Variants in ABCC4 observed in about 807,000 individuals in gnomAD.
The protein encoded by ABCC4 is ATP binding cassette subfamily C member 4 (PEL blood group), also known as ATP-binding cassette sub-family C member 4.
Under a neutral mutation model 168.5 loss-of-function variants are expected in ABCC4, and 102 were observed. The observed-to-expected ratio is 0.61, with a 90% CI of 0.52 to 0.71. ABCC4 has a LOEUF of 0.71. Ranked by LOEUF, ABCC4 falls within the 30% of genes least tolerant of loss-of-function variation. The probability of loss-of-function intolerance (pLI) is 0.00; values close to 1 mark genes in which losing one functional copy is unlikely to be tolerated. For synonymous variants in ABCC4, 617 were observed against 590.7 expected (o/e 1.04, Z -0.65); for missense variants, 1,402 against 1,605.8 (o/e 0.87, Z 2.17).
chr13:95,222,074 T>G (rs1402374929), intron 4 of ABCC4, among the ~76,000 whole-genome samples: 2 of 152,216 alleles, frequency 1.3e-5, no homozygotes, highest in African/African-American at 4.8e-5. Flanking sequence ...AGGTGACATA[T>G]GGCAGATGCT....
chr13:95,043,374 T>C (rs943548231), intron 29 of ABCC4: 3 of 261,402 alleles, frequency 1.1e-5, no homozygotes, highest in South Asian at 2.4e-4. Flanking sequence ...ATGACTGTGA[T>C]CTTCTATTGG....
At chr13:95,114,345 A>C (rs1355522530) in intron 20 of ABCC4, among the ~76,000 whole-genome samples, 1 of 152,202 alleles carries the variant, frequency 6.6e-6, no homozygotes, top group East Asian at 1.9e-4. Flanking sequence ...TCTGCTAAGC[A>C]CATAGTGGGC....
intron 4 of ABCC4, among the ~76,000 whole-genome samples, chr13:95,211,360 A>T (rs1316438184): frequency 1.3e-5 from 2 of 152,156 alleles, no homozygotes; most frequent in Admixed American, 1.3e-4. Context: ...ATGTCCAGAC[A>T]CCTGTGATTC....
chr13:95,265,426 A>T, intron 1 of ABCC4, among the ~76,000 whole-genome samples: 1 of 129,082 alleles, frequency 7.7e-6, no homozygotes, highest in South Asian at 2.8e-4. Flanking sequence ...GCATGACACA[A>T]TAAGAAAAAA....
At chr13:95,063,480 A>C (rs922266959) in intron 25 of ABCC4, among the ~76,000 whole-genome samples, 11 of 152,204 alleles carry the variant, frequency 7.2e-5, no homozygotes, top group African/African-American at 2.7e-4. Flanking sequence ...AAAATGTTTC[A>C]AAATTCTGAA....
In ABCC4 at chr13:95,034,966, A is replaced by G. The variant is rs74341218; in HGVS notation, c.3736-227T>C. On this transcript the variant is annotated intron_variant, in intron 29 of 30. Coordinates refer to ENST00000645237, the MANE Select transcript of ABCC4 (RefSeq NM_005845.5). Reference sequence around the variant, plus strand: ...AGGAAAGGAAGAAAATGAAAGTTCTAGACTATTATTCTGGGCACTCAGCAG... The same window carrying G: ...AGGAAAGGAAGAAAATGAAAGTTCTGGACTATTATTCTGGGCACTCAGCAG... Among the ~76,000 whole-genome samples, 183 of 152,308 alleles carry G rather than the reference A, an allele frequency of 1.2e-3. 3 individuals are homozygous for G. The highest frequency in any genetic ancestry group is 7.3e-3 in the South Asian group (35 of 4,824).
intron 13 of ABCC4, 64 bp from the exon 14 acceptor site, chr13:95,170,692 T>C (rs778921365): frequency 2.2e-5 from 22 of 992,182 alleles, no homozygotes; most frequent in Non-Finnish European, 3.4e-5. Flanking sequence ...TTGAAAAACA[T>C]ACATTTTGAA....
At chr13:95,207,307 C>T (rs947658515) in intron 7 of ABCC4, among the ~76,000 whole-genome samples, 1 of 152,212 alleles carries the variant, frequency 6.6e-6, no homozygotes, top group Non-Finnish European at 1.5e-5. Context: ...GGATTACAGG[C>T]ATGAGCCACT....
intron 25 of ABCC4, 51 bp from the exon 26 acceptor site, chr13:95,062,910 A>C (rs2033358661): frequency 1.3e-6 from 2 of 1,555,344 alleles, no homozygotes; most frequent in Admixed American, 4.3e-5. Context: ...AAAAAATCAC[A>C]GGATGCAGCA....
intron 29 of ABCC4, among the ~76,000 whole-genome samples, chr13:95,039,427 T>C (rs2139233193): frequency 6.6e-6 from 1 of 152,330 alleles, no homozygotes; most frequent in Non-Finnish European, 1.5e-5. Context: ...AAAAAGGGCA[T>C]AATCTTGAAT....
At chr13:95,221,127 G>C (rs769409857) in intron 4 of ABCC4, among the ~76,000 whole-genome samples, 1 of 152,190 alleles carries the variant, frequency 6.6e-6, no homozygotes, top group Non-Finnish European at 1.5e-5. Flanking sequence ...ACTTGGATGA[G>C]GTCCCTTCAG....
At chr13:95,187,588 A>G (rs753389301) in intron 10 of ABCC4, among the ~76,000 whole-genome samples, 4 of 152,348 alleles carry the variant, frequency 2.6e-5, no homozygotes, top group Non-Finnish European at 5.9e-5. Context: ...TGGGTGACAG[A>G]GCGAGACCAT....
chr13:95,250,503 A>T (rs2138816796), intron 1 of ABCC4, among the ~76,000 whole-genome samples: 1 of 152,308 alleles, frequency 6.6e-6, no homozygotes, highest in East Asian at 1.9e-4. Context: ...TACCTTGAGC[A>T]ATGATCTAGG....
chr13:95,202,324 T>G (rs1239699090), intron 8 of ABCC4, among the ~76,000 whole-genome samples: 1 of 152,196 alleles, frequency 6.6e-6, no homozygotes, highest in Non-Finnish European at 1.5e-5. Context: ...ATTTTATCAA[T>G]CAATCTACCA....
chr13:95,086,650 C>G (rs1365252861), intron 20 of ABCC4, among the ~76,000 whole-genome samples: 1 of 152,180 alleles, frequency 6.6e-6, no homozygotes, highest in African/African-American at 2.4e-5. Flanking sequence ...TCCTGCTAGT[C>G]TTTGTGAAGC....
At chr13:95,029,456 G>A (rs540332631) in intron 30 of ABCC4, among the ~76,000 whole-genome samples, 1 of 151,964 alleles carries the variant, frequency 6.6e-6, no homozygotes, top group Non-Finnish European at 1.5e-5. Context: ...ACAAAGTGGA[G>A]AAGAAGGTGC....
intron 21 of ABCC4, among the ~76,000 whole-genome samples, chr13:95,079,902 G>A (rs2034032610): frequency 6.6e-6 from 1 of 152,196 alleles, no homozygotes; most frequent in African/African-American, 2.4e-5. Context: ...CCATGCAAGT[G>A]GTAGACTTGG....
intron 20 of ABCC4, among the ~76,000 whole-genome samples, chr13:95,113,143 G>C (rs2139404939): frequency 6.6e-6 from 1 of 152,226 alleles, no homozygotes; most frequent in Admixed American, 6.5e-5. Flanking sequence ...ATGTATCACA[G>C]AACTGAGTCA....
At chr13:95,142,502 T>C (rs1257834185) in intron 19 of ABCC4, among the ~76,000 whole-genome samples, 1 of 151,616 alleles carries the variant, frequency 6.6e-6, no homozygotes, top group Non-Finnish European at 1.5e-5. Flanking sequence ...GGGTGAAGGG[T>C]GCACCAAAAT....
Sources: gnomAD v4.1 joint callset for allele counts (sites outside exome capture counted in the v4.1 genomes callset) on GRCh38, gnomAD v4.1.1 for gene constraint, MANE v1.5 for transcripts, NCBI Gene and HGNC (gene_info 2026-07-23, HGNC 2026-07-21) for gene names.